The following FBXL20 variants were observed in gnomAD, a reference collection of about 807,000 sequenced individuals.
FBXL20 encodes the protein F-box/LRR-repeat protein 20.
In FBXL20, 11 loss-of-function variants were observed where a neutral mutation model predicts 64.0. The observed-to-expected ratio is 0.17, with a 90% CI of 0.11 to 0.28. The LOEUF (loss-of-function observed/expected upper bound fraction) is 0.28. FBXL20 is among the 10% of genes least tolerant of loss of function. The probability of loss-of-function intolerance (pLI) is 1.00; values close to 1 mark genes in which losing one functional copy is unlikely to be tolerated. For synonymous variants in FBXL20, 184 were observed against 189.0 expected, an observed-to-expected ratio of 0.97 and a Z score of 0.22; for missense variants, 303 against 526.2, an observed-to-expected ratio of 0.58 and a Z score of 4.15.
chr17:39,339,657 CTTTTTT>C (rs56824942), intron 2 of FBXL20, among the ~76,000 whole-genome samples: 3 of 148,152 alleles, frequency 2.0e-5, no homozygotes, highest in Non-Finnish European at 4.5e-5. Context: ...GTTCACAGAA[CTTTTTT>C]TTTTTTTGAG....
intron 6 of FBXL20, among the ~76,000 whole-genome samples, chr17:39,285,843 A>G (rs541440214): frequency 1.3e-5 from 2 of 152,340 alleles, no homozygotes; most frequent in Non-Finnish European, 2.9e-5. Context: ...ACAGCAATTG[A>G]CAACATGATA....
intron 2 of FBXL20, among the ~76,000 whole-genome samples, chr17:39,311,142 G>C (rs2144484599): frequency 6.6e-6 from 1 of 152,160 alleles, no homozygotes; most frequent in East Asian, 1.9e-4. Context: ...ACTCTGGCCT[G>C]GACAACAGAG....
intron 1 of FBXL20, among the ~76,000 whole-genome samples, chr17:39,388,824 G>A (rs980348037): frequency 2.0e-5 from 3 of 149,572 alleles, no homozygotes; most frequent in East Asian, 2.0e-4. Context: ...TAGATCTGCC[G>A]GGTGCAGTGG....
At chr17:39,295,782 G>GATATATATATATATATATATATAT (rs2047078598) in intron 6 of FBXL20, among the ~76,000 whole-genome samples, 1 of 122,828 alleles carries the variant, frequency 8.1e-6, no homozygotes, top group Non-Finnish European at 1.7e-5. Context: ...TGCAAATATG[G>GATATATATATATATATATATATAT]AGATATATAT....
chr17:39,270,177 A>T (rs1341498018), intron 11 of FBXL20, among the ~76,000 whole-genome samples: 1 of 152,182 alleles, frequency 6.6e-6, no homozygotes, highest in East Asian at 1.9e-4. Context: ...TCATGTACCA[A>T]ATAACCAATA....
chr17:39,282,441 G>A (rs1440923343), intron 8 of FBXL20, among the ~76,000 whole-genome samples: 1 of 152,078 alleles, frequency 6.6e-6, no homozygotes, highest in East Asian at 1.9e-4. Context: ...TTTCTTTTCA[G>A]CACAAATTAA....
rs545895861 is a variant in FBXL20, at chr17:39,264,149, T to C, written c.1203+26A>G. Reference sequence around the variant, plus strand: ...GAAGAAAGTGCTGCTAACACTAGAGTTGGAGAGTTATGTAGCCATTTTTAC... The same window carrying C: ...GAAGAAAGTGCTGCTAACACTAGAGCTGGAGAGTTATGTAGCCATTTTTAC... On this transcript the variant is annotated intron_variant, in intron 14 of 14. Coordinates refer to ENST00000264658, the MANE Select transcript of FBXL20 (RefSeq NM_032875.3). The C allele has an allele frequency of 1.5e-4, 234 of 1,606,272 alleles. 3 individuals carry two copies. In the South Asian group the frequency reaches 2.4e-3, roughly 16 times the overall value.
chr17:39,401,516 G>T lies in FBXL20; in HGVS notation c.-114C>A. 1 of 1,471,914 alleles carries T rather than the reference G, an allele frequency of 6.8e-7. No homozygotes were observed. Among genetic ancestry groups the T allele is most frequent in the Non-Finnish European group, 8.9e-7 (1 of 1,121,608 alleles). The allele number at this position is 1,471,914 out of a possible 1,614,324, so 91.2% of individuals were successfully genotyped here. ...GGGGACTGGGCGCCGGAGGGGTGAC[G>T]CCGGGACCGTGGGACGGGAACAAGA... On this transcript the variant is annotated 5_prime_UTR_variant, in exon 1 of 15. Coordinates refer to ENST00000264658, the MANE Select transcript of FBXL20 (RefSeq NM_032875.3).
At chr17:39,317,997 G>C (rs2047313802) in intron 2 of FBXL20, among the ~76,000 whole-genome samples, 2 of 152,066 alleles carry the variant, frequency 1.3e-5, no homozygotes, top group Admixed American at 1.3e-4. Context: ...ACCGCTCGCG[G>C]CCTCACTTTC....
chr17:39,375,799 A>G (rs1567901920), intron 1 of FBXL20, among the ~76,000 whole-genome samples: 1 of 152,096 alleles, frequency 6.6e-6, no homozygotes. Flanking sequence ...ATTTACCCCA[A>G]ATGTGCCTGT....
At chr17:39,344,294 T>C (rs1597809547) in intron 1 of FBXL20, among the ~76,000 whole-genome samples, 1 of 148,226 alleles carries the variant, frequency 6.7e-6, no homozygotes, top group African/African-American at 2.5e-5. Context: ...GAGGTTGCAG[T>C]GAGCTGAGAT....
chr17:39,401,805 C>T (rs2048249490), upstream of FBXL20: 2 of 800,340 alleles, frequency 2.5e-6, no homozygotes, highest in African/African-American at 3.6e-5. Flanking sequence ...CCTGACGGCG[C>T]TCCCGGGAGC....
chr17:39,386,210 G>A (rs2048078360), intron 1 of FBXL20, among the ~76,000 whole-genome samples: 1 of 151,912 alleles, frequency 6.6e-6, no homozygotes, highest in Admixed American at 6.6e-5. Context: ...CAGAGGCTGA[G>A]GCAGGAGAAT....
intron 6 of FBXL20, among the ~76,000 whole-genome samples, chr17:39,295,155 G>A (rs1335042436): frequency 2.0e-5 from 3 of 152,160 alleles, no homozygotes; most frequent in Non-Finnish European, 2.9e-5. Context: ...AAAGCTGGGT[G>A]ATGGGCTCAT....
At chr17:39,380,314 T>G (rs2048009732) in intron 1 of FBXL20, among the ~76,000 whole-genome samples, 1 of 152,202 alleles carries the variant, frequency 6.6e-6, no homozygotes, top group South Asian at 2.1e-4. Flanking sequence ...CCCTGCTCTC[T>G]AACCACCACC....
chr17:39,292,855 A>T (rs1288600662), intron 6 of FBXL20, among the ~76,000 whole-genome samples: 1 of 146,596 alleles, frequency 6.8e-6, no homozygotes, highest in African/African-American at 2.5e-5. Flanking sequence ...CAATGGCGTG[A>T]TCTCAGCTCA....
At chr17:39,374,622 T>C (rs912941743) in intron 1 of FBXL20, among the ~76,000 whole-genome samples, 1 of 152,234 alleles carries the variant, frequency 6.6e-6, no homozygotes, top group African/African-American at 2.4e-5. Context: ...GGGTCATCAC[T>C]GTTTCTGTTT....
chr17:39,286,362 C>T (rs896211326), intron 6 of FBXL20, among the ~76,000 whole-genome samples: 4 of 152,040 alleles, frequency 2.6e-5, no homozygotes, highest in African/African-American at 9.7e-5. Context: ...CACAGACACA[C>T]ACCACCACAC....
At chr17:39,364,582 C>T (rs2047840306) in intron 1 of FBXL20, among the ~76,000 whole-genome samples, 1 of 152,082 alleles carries the variant, frequency 6.6e-6, no homozygotes, top group African/African-American at 2.4e-5. Flanking sequence ...TGCACTCCAG[C>T]CTGGGAGACA....
Sources: gnomAD v4.1 joint callset for allele counts (sites outside exome capture counted in the v4.1 genomes callset) on GRCh38, gnomAD v4.1.1 for gene constraint, MANE v1.5 for transcripts, NCBI Gene and HGNC (gene_info 2026-07-23, HGNC 2026-07-21) for gene names.